NFX1: variants seen among roughly 807,000 people sequenced by gnomAD.
NFX1 encodes nuclear transcription factor, X-box binding 1.
Under a neutral mutation model 137.2 loss-of-function variants are expected in NFX1, and 69 were observed. The observed-to-expected ratio is 0.50, with a 90% CI of 0.41 to 0.61. NFX1 has a LOEUF of 0.61. Ranked by LOEUF, NFX1 falls within the 20% of genes least tolerant of loss-of-function variation. The pLI is 0.00. For missense variants in NFX1, 1,167 were observed against 1,391.0 expected (o/e 0.84, Z 2.56); for synonymous variants, 495 against 474.1 (o/e 1.04, Z -0.57).
chr9:33,320,737 T>G (rs905801266), intron 9 of NFX1, among the ~76,000 whole-genome samples: 3 of 152,154 alleles, frequency 2.0e-5, no homozygotes, highest in African/African-American at 7.2e-5. Flanking sequence ...TAGAAAAAAA[T>G]GGAAAGTAGG....
At chr9:33,300,533 C>T (rs894222365) in intron 2 of NFX1, among the ~76,000 whole-genome samples, 9 of 152,176 alleles carry the variant, frequency 5.9e-5, no homozygotes, top group Non-Finnish European at 1.0e-4. Context: ...TATACACACA[C>T]TCACACTCAG....
chr9:33,301,457 C>A (rs41274031), intron 3 of NFX1, 36 bp downstream of exon 3: 25,171 of 1,597,732 alleles, frequency 0.016, 263 homozygotes, highest in Non-Finnish European at 0.019. Context: ...GTTATTCTCC[C>A]CTATTTGATA....
At chr9:33,322,842 A>G (rs1438601032) in intron 9 of NFX1, among the ~76,000 whole-genome samples, 3 of 152,198 alleles carry the variant, frequency 2.0e-5, no homozygotes, top group Admixed American at 6.5e-5. Context: ...AAATGATAAC[A>G]TACCTTAAAG....
chr9:33,340,703 G>A (rs1403936421), intron 12 of NFX1, among the ~76,000 whole-genome samples: 1 of 152,168 alleles, frequency 6.6e-6, no homozygotes, highest in African/African-American at 2.4e-5. Flanking sequence ...CAGCACCCAA[G>A]TCACCTCTTG....
intron 23 of NFX1, among the ~76,000 whole-genome samples, chr9:33,369,523 A>G (rs1824266622): frequency 6.6e-6 from 1 of 152,246 alleles, no homozygotes; most frequent in Non-Finnish European, 1.5e-5. Context: ...TCCCACTATC[A>G]AAACTTCACA....
intron 4 of NFX1, among the ~76,000 whole-genome samples, chr9:33,304,600 T>C (rs1821688674): frequency 6.6e-6 from 1 of 152,176 alleles, no homozygotes; most frequent in African/African-American, 2.4e-5. Context: ...TTAACCACAG[T>C]ATCATTTAAG....
intron 7 of NFX1, among the ~76,000 whole-genome samples, chr9:33,318,179 C>T (rs1490234879): frequency 6.6e-6 from 1 of 151,840 alleles, no homozygotes; most frequent in African/African-American, 2.4e-5. Flanking sequence ...TACTCTCATG[C>T]CAATTTTTAA....
chr9:33,368,210 G>A (rs1311480619), intron 23 of NFX1, among the ~76,000 whole-genome samples: 1 of 152,026 alleles, frequency 6.6e-6, no homozygotes, highest in Non-Finnish European at 1.5e-5. Flanking sequence ...ACTCCACCCT[G>A]GGCGACAGAG....
At chr9:33,320,720 A>G (rs562521372) in intron 9 of NFX1, among the ~76,000 whole-genome samples, 2 of 152,350 alleles carry the variant, frequency 1.3e-5, no homozygotes, top group Non-Finnish European at 2.9e-5. Flanking sequence ...TTGAAAGGCC[A>G]TGCATTTAGA....
In NFX1 at chr9:33,366,716, C is replaced by T; in HGVS notation, c.3127C>T (p.Leu1043=). The change falls in exon 22 of 24, where the codon CTG becomes TTG. Residue 1043 remains leucine (L), a synonymous_variant. Coordinates refer to ENST00000379540, the MANE Select transcript of NFX1 (RefSeq NM_002504.6). The part of the protein sequence containing the change: ...IIHDLAQVYG[L]ESVSYDSEPK... ...CCATGACTTGGCCCAAGTTTATGGC[C>T]TGGAGAGCGTGAGCTATGACAGTGA... The T allele has an allele frequency of 6.2e-7, 1 of 1,614,210 alleles. No individual in the cohort carries two copies. The highest frequency in any genetic ancestry group is 8.5e-7 in the Non-Finnish European group (1 of 1,180,044).
intron 19 of NFX1, among the ~76,000 whole-genome samples, chr9:33,355,252 C>T (rs1823771032): frequency 2.0e-5 from 3 of 152,116 alleles, no homozygotes; most frequent in African/African-American, 7.2e-5. Flanking sequence ...TGGAAGTGTG[C>T]AGATCAGTGA....
intron 17 of NFX1, among the ~76,000 whole-genome samples, chr9:33,353,431 T>C (rs1823710856): frequency 6.6e-6 from 1 of 152,040 alleles, no homozygotes; most frequent in Non-Finnish European, 1.5e-5. Context: ...TGGTTATATA[T>C]ATATATATCT....
At chr9:33,349,824 C>T (rs1823569920) in intron 15 of NFX1, among the ~76,000 whole-genome samples, 1 of 152,040 alleles carries the variant, frequency 6.6e-6, no homozygotes, top group South Asian at 2.1e-4. Context: ...GCCTGGGCAA[C>T]CTAGTGGGAT....
intron 15 of NFX1, chr9:33,348,352 GA>G (rs895302832): frequency 7.7e-4 from 114 of 148,494 alleles, no homozygotes; most frequent in Non-Finnish European, 1.0e-3. Context: ...ACTCCGTCTC[GA>G]AAAAAAAAAT....
At position 33,299,912 on chromosome 9, in the gene NFX1, A is replaced by G. The variant is rs949512428; in HGVS notation, c.1034-1351A>G. 2.6e-5 allele frequency among the ~76,000 whole-genome samples: 4 copies of G among 152,122 alleles called. 1 individual carries two copies. Among genetic ancestry groups the G allele is most frequent in the African/African-American group, 7.2e-5 (3 of 41,420 alleles). ...CAGAAAGTAAATCTTAGGAGAGCCA[A>G]TATTATGGAATATTACAGTGTGCGC... On this transcript the variant is annotated intron_variant, in intron 2 of 23. Coordinates refer to ENST00000379540, the MANE Select transcript of NFX1 (RefSeq NM_002504.6).
chr9:33,304,388 T>G (rs956898674), intron 4 of NFX1, among the ~76,000 whole-genome samples: 1 of 152,218 alleles, frequency 6.6e-6, no homozygotes, highest in Admixed American at 6.5e-5. Context: ...CCTTTGACCA[T>G]TCCCTTCTTG....
intron 7 of NFX1, among the ~76,000 whole-genome samples, chr9:33,314,150 A>G (rs921724863): frequency 6.6e-6 from 1 of 151,748 alleles, no homozygotes; most frequent in African/African-American, 2.4e-5. Flanking sequence ...CGCCTTGCTA[A>G]TTTTTGTGTT....
At chr9:33,350,951 G>T (rs1823613181) in intron 15 of NFX1, among the ~76,000 whole-genome samples, 1 of 152,200 alleles carries the variant, frequency 6.6e-6, no homozygotes, top group Non-Finnish European at 1.5e-5. Context: ...TTCAAGACCA[G>T]CCATCTGGCC....
chr9:33,369,458 A>C (rs1162661118), intron 23 of NFX1, among the ~76,000 whole-genome samples: 3 of 152,190 alleles, frequency 2.0e-5, no homozygotes, highest in African/African-American at 7.2e-5. Flanking sequence ...TAGTATTACT[A>C]TCATAAATGC....
Sources: allele counts gnomAD v4.1 joint callset (sites outside exome capture counted in the v4.1 genomes callset), GRCh38; gene constraint gnomAD v4.1.1; transcripts MANE v1.5; gene names NCBI Gene and HGNC (gene_info 2026-07-23, HGNC 2026-07-21).